PLEKHM2: variants seen among roughly 807,000 people sequenced by gnomAD.
The protein encoded by PLEKHM2 is pleckstrin homology and RUN domain containing M2.
A neutral mutation model predicts 116.3 loss-of-function variants in PLEKHM2; 77 were observed. That is an observed-to-expected ratio of 0.66 (90% CI 0.55 to 0.80). The LOEUF is 0.80. PLEKHM2 is among the 30% of genes least tolerant of loss of function. PLEKHM2 has a pLI of 0.00. For synonymous variants in PLEKHM2, 562 were observed against 571.0 expected (o/e 0.98, Z 0.22); for missense variants, 1,183 against 1,354.9 (o/e 0.87, Z 1.99).
rs1338493047 is a variant in PLEKHM2 at position 15,727,480 on chromosome 1, G to A, written c.1408G>A (p.Glu470Lys). ...AATGGACTTCTACCGCTTTACCGTC[G>A]AGAGTCCAAGCACTGTTACATCAGG... ...APMDFYRFTVESPSTVTSGGG... is the reference protein window; with the variant it reads ...APMDFYRFTVKSPSTVTSGGG... The change falls in exon 9 of 20, where the codon GAG becomes AAG. Residue 470 changes from glutamate to lysine, a missense_variant. This residue lies in a region of PLEKHM2 where 372 missense variants were observed against 357.2 expected (regional missense o/e 1.04). Coordinates refer to ENST00000375799, the MANE Select transcript of PLEKHM2 (RefSeq NM_015164.4). This position sits in a 1 kb window ranked among gnomAD's most constrained non-coding sequence, Gnocchi z 7.5. 1.0e-5 allele frequency: 16 copies of A among 1,597,658 alleles called. No homozygotes were observed. The highest frequency in any genetic ancestry group is 8.0e-5 in the African/African-American group (6 of 74,574).
chr1:15,727,706 G>A lies in PLEKHM2; in HGVS notation c.1634G>A (p.Gly545Glu). The change falls in exon 9 of 20, where the codon GGG (glycine) becomes GAG (glutamate). Residue 545 changes from glycine to glutamate, a missense_variant. Gly to Glu is a moderately conservative substitution (Grantham distance 98). This residue lies in a region of PLEKHM2 where 594 missense variants were observed against 720.1 expected (regional missense o/e 0.82). Transcript: ENST00000375799. This position sits in a 1 kb window ranked among gnomAD's most constrained non-coding sequence, Gnocchi z 7.5. ...REGPVSEPEP[G>E]TQEVLCQLKR... Reference sequence around the variant, plus strand: ...GGGCCTGTGTCTGAGCCAGAGCCTGGGACCCAGGAGGTTCTCTGCCAGCTC... The same window carrying A: ...GGGCCTGTGTCTGAGCCAGAGCCTGAGACCCAGGAGGTTCTCTGCCAGCTC... 5.0e-6 allele frequency: 8 copies of A among 1,595,010 alleles called. No homozygotes were observed. Among genetic ancestry groups the A allele is most frequent in the Non-Finnish European group, 6.0e-6 (7 of 1,171,770 alleles).
At chr1:15,693,370 C>A (rs1640926449) in intron 1 of PLEKHM2, among the ~76,000 whole-genome samples, 1 of 152,188 alleles carries the variant, frequency 6.6e-6, no homozygotes, top group Admixed American at 6.5e-5. Context: ...AGATATGGTT[C>A]TCCTTTTACG....
Position 15,732,710 on chromosome 1 carries a change from G to A in PLEKHM2, c.2904G>A (p.Gly968=), listed in dbSNP as rs767660551. ...LDRLLSALNS[G]WKTIYQVDLP... ...GATTGCTGTCTGCACTGAACTCTGGGTGGAAAACCATCTATCAGGTACCCA... is the reference window on the plus strand; with the variant it reads ...GATTGCTGTCTGCACTGAACTCTGGATGGAAAACCATCTATCAGGTACCCA... Residue 968 remains glycine, a synonymous_variant, in exon 19 of 20, where the codon GGG becomes GGA. Transcript: ENST00000375799. 15 of 1,608,274 alleles carry A rather than the reference G, an allele frequency of 9.3e-6. No individual in the cohort carries two copies. Among genetic ancestry groups the A allele is most frequent in the Non-Finnish European group, 1.2e-5 (14 of 1,177,206 alleles).
chr1:15,684,474 G>GGCGGCCC lies in PLEKHM2; in HGVS notation c.-84_-78dup. 1.3e-6 allele frequency: 1 copy of GGCGGCCC among 787,146 alleles called. No individual in the cohort carries two copies. Among genetic ancestry groups the GGCGGCCC allele is most frequent in the Non-Finnish European group, 1.5e-6 (1 of 648,300 alleles). 48.8% of individuals were successfully genotyped at this position (787,146 alleles called of 1,614,324 possible). ...CGTACGGCCGGCGGCAGCGGTTGGC[G>GGCGGCCC]GCGGCCCCCGGCCCCCGGCGCGGGA... On this transcript the variant is annotated 5_prime_UTR_variant, in exon 1 of 20. Coordinates refer to ENST00000375799, the MANE Select transcript of PLEKHM2 (RefSeq NM_015164.4).
intron 1 of PLEKHM2, among the ~76,000 whole-genome samples, chr1:15,695,422 T>C (rs1640974771): frequency 6.6e-6 from 1 of 152,084 alleles, no homozygotes; most frequent in African/African-American, 2.4e-5. Flanking sequence ...TAACATTTAG[T>C]TTATTCGGCA....
upstream of PLEKHM2, among the ~76,000 whole-genome samples, chr1:15,682,596 G>A (rs959093086): frequency 9.9e-5 from 15 of 150,854 alleles, no homozygotes; most frequent in African/African-American, 2.5e-4. Context: ...TCCAGCCTGG[G>A]GAACAGAGCA....
intron 15 of PLEKHM2, 25 bp from the exon 16 acceptor site, chr1:15,731,167 C>T (rs1416822263): frequency 6.4e-7 from 1 of 1,561,078 alleles, no homozygotes. Flanking sequence ...ACAGGCCTCA[C>T]TCGCCCTGTG....
At position 15,716,740 on chromosome 1, in the gene PLEKHM2, C is replaced by T. The variant is rs998507613; in HGVS notation, c.201C>T (p.Leu67=). The change falls in exon 3 of 20, where the codon CTC becomes CTT. Residue 67 remains leucine (L), a synonymous_variant. Coordinates refer to ENST00000375799, the MANE Select transcript of PLEKHM2 (RefSeq NM_015164.4). ...ACCTCTCCTCTGGCTACTGGGTGCT[C>T]GTGGTGCATTTTACTCGGAGAGAGG... The part of the protein sequence containing the change: ...LQDLSSGYWV[L]VVHFTRREAI... 12 of 1,577,980 alleles carry T rather than the reference C, an allele frequency of 7.6e-6. No individual in the cohort carries two copies. Among genetic ancestry groups the T allele is most frequent in the South Asian group, 2.3e-5 (2 of 85,846 alleles).
At chr1:15,694,617 G>T (rs1052210809) in intron 1 of PLEKHM2, among the ~76,000 whole-genome samples, 3 of 152,030 alleles carry the variant, frequency 2.0e-5, no homozygotes. Context: ...AGTCCTTTCC[G>T]CGGGAGATTA....
intron 18 of PLEKHM2, 41 bp downstream of exon 18, chr1:15,732,570 G>A (rs753497885): frequency 3.1e-6 from 5 of 1,602,748 alleles, no homozygotes; most frequent in Non-Finnish European, 4.3e-6. Context: ...GCCTGCAGAA[G>A]GAAAGCTCTG....
chr1:15,683,420 G>A (rs1169126517), upstream of PLEKHM2, among the ~76,000 whole-genome samples: 3 of 151,926 alleles, frequency 2.0e-5, no homozygotes, highest in African/African-American at 7.3e-5. Flanking sequence ...GGGTCTCCAA[G>A]GAGGGGTCTG....
At chr1:15,716,434 T>C (rs1571050547) in intron 2 of PLEKHM2, 91 bp downstream of exon 2, 1 of 816,892 alleles carries the variant, frequency 1.2e-6, no homozygotes, top group East Asian at 2.7e-5. Flanking sequence ...CTGCCTTTTC[T>C]TTCTTCTCTC....
chr1:15,711,344 G>C (rs564385321), intron 1 of PLEKHM2, among the ~76,000 whole-genome samples: 1 of 151,564 alleles, frequency 6.6e-6, no homozygotes. Context: ...GGCCAACCGT[G>C]GTGGCTCATG....
At chr1:15,733,748 C>A (rs1473467150) in intron 19 of PLEKHM2, 49 bp from the exon 20 acceptor site, 2 of 1,595,250 alleles carry the variant, frequency 1.3e-6, no homozygotes, top group African/African-American at 2.7e-5. Context: ...CCTGAAGACT[C>A]CTGTGGCCCT....
At position 15,684,510 on chromosome 1, in the gene PLEKHM2, G is replaced by GGGCGGC. The variant is rs767880122; in HGVS notation, c.-40_-35dup. ...GCCCCCGGCGCGGGAAGCGGCGGCG[G>GGGCGGC]GGCGGCGGCGGCGGTGGCGGTGGCG... is the stretch of plus-strand genomic sequence containing the variant. On this transcript the variant is annotated 5_prime_UTR_variant, in exon 1 of 20. Transcript: ENST00000375799. 67 of 976,798 alleles carry GGGCGGC rather than the reference G, an allele frequency of 6.9e-5. 1 individual carries two copies. The highest frequency in any genetic ancestry group is 4.4e-4 in the Middle Eastern group (1 of 2,286). 60.5% of individuals were successfully genotyped at this position (976,798 alleles called of 1,614,324 possible). A position where few individuals can be genotyped will look rare whatever the true frequency, so the allele number is the denominator to read the frequency against.
At chr1:15,688,820 A>C (rs139094153) in intron 1 of PLEKHM2, among the ~76,000 whole-genome samples, 2,332 of 152,260 alleles carry the variant, frequency 0.015, 43 homozygotes, top group Non-Finnish European at 0.022. Flanking sequence ...TTTTTGAATC[A>C]GCATGTGGTT....
chr1:15,722,882 G>A (rs893326670), intron 7 of PLEKHM2: 2 of 151,946 alleles, frequency 1.3e-5, no homozygotes, highest in African/African-American at 4.8e-5. Context: ...CACGCCTGCT[G>A]CAGTCACTTG....
At chr1:15,726,156 A>G (rs1468329202) in intron 8 of PLEKHM2, among the ~76,000 whole-genome samples, 1 of 152,240 alleles carries the variant, frequency 6.6e-6, no homozygotes, top group Non-Finnish European at 1.5e-5. Context: ...GCCTAAGATC[A>G]GAAAGCACCT....
At chr1:15,712,688 T>G (rs1240680277) in intron 1 of PLEKHM2, among the ~76,000 whole-genome samples, 1 of 151,228 alleles carries the variant, frequency 6.6e-6, no homozygotes. Flanking sequence ...TGCTCCAGGC[T>G]GGAGTGCAGT....
Sources: allele counts gnomAD v4.1 joint callset (sites outside exome capture counted in the v4.1 genomes callset), GRCh38; gene constraint gnomAD v4.1.1; regional missense constraint gnomAD v4.1.1; non-coding constraint Gnocchi (gnomAD v3.1); transcripts MANE v1.5; gene names NCBI Gene and HGNC (gene_info 2026-07-23, HGNC 2026-07-21).